Variants in CTDP1 observed in about 807,000 individuals in gnomAD.
CTDP1 encodes the protein CTD phosphatase 1.
A neutral mutation model predicts 91.8 loss-of-function variants in CTDP1; 47 were observed. That is an observed-to-expected ratio of 0.51 (90% CI 0.41 to 0.65). The LOEUF is 0.65. CTDP1 is among the 30% of genes least tolerant of loss of function. The pLI is 0.00. For synonymous variants in CTDP1, 656 were observed against 598.5 expected (o/e 1.10, Z -1.40); for missense variants, 1,272 against 1,373.7 (o/e 0.93, Z 1.17).
At chr18:79,741,167 C>T (rs1197351873) in intron 12 of CTDP1, among the ~76,000 whole-genome samples, 3 of 143,556 alleles carry the variant, frequency 2.1e-5, no homozygotes, top group African/African-American at 5.3e-5. Context: ...TCCCTGAGCC[C>T]GTGGTTGGGT....
At chr18:79,748,556 C>T (rs76603103) in intron 12 of CTDP1, among the ~76,000 whole-genome samples, 6,745 of 152,316 alleles carry the variant, frequency 0.044, 272 homozygotes, top group South Asian at 0.17. Context: ...TTACCAGCAT[C>T]GTGAGGTCCA....
intron 1 of CTDP1, among the ~76,000 whole-genome samples, chr18:79,688,787 G>A (rs1268046945): frequency 6.6e-6 from 1 of 152,200 alleles, no homozygotes; most frequent in Non-Finnish European, 1.5e-5. Context: ...AGGTGATCCT[G>A]CCTCAGCCTC....
At position 79,717,647 on chromosome 18, in the gene CTDP1, G is replaced by A. The variant is rs781342460; in HGVS notation, c.2181G>A (p.Pro727=). ...ACAAGGTGGAGGAGCAGCTCTTCCCGCTCAGGGACGATCACACCAAGGCAC... is the reference window on the plus strand; with the variant it reads ...ACAAGGTGGAGGAGCAGCTCTTCCCACTCAGGGACGATCACACCAAGGCAC... ...RWDKVEEQLF[P]LRDDHTKAQR... Residue 727 remains proline, a synonymous_variant, in exon 9 of 13, where the codon CCG becomes CCA. Coordinates refer to ENST00000613122, the MANE Select transcript of CTDP1 (RefSeq NM_004715.5). The A allele has an allele frequency of 1.7e-5, 27 of 1,613,898 alleles. No individual in the cohort carries two copies. Among genetic ancestry groups the A allele is most frequent in the South Asian group, 1.2e-4 (11 of 91,094 alleles).
upstream of CTDP1, among the ~76,000 whole-genome samples, chr18:79,677,006 G>T (rs192580591): frequency 3.3e-5 from 5 of 152,372 alleles, no homozygotes; most frequent in Non-Finnish European, 5.9e-5. Flanking sequence ...TGTCTACCTA[G>T]ATCAGTCTGT....
chr18:79,679,720 T>C (rs1303337888), upstream of CTDP1: 6 of 507,342 alleles, frequency 1.2e-5, no homozygotes, highest in Non-Finnish European at 2.2e-5. Context: ...CGGAGCCGGC[T>C]CCGGCCCCGC....
chr18:79,750,536 C>G (rs577325818), intron 12 of CTDP1, among the ~76,000 whole-genome samples: 2 of 151,964 alleles, frequency 1.3e-5, no homozygotes, highest in South Asian at 4.2e-4. Context: ...CTCTGTCACC[C>G]AGGCTGGAGT....
intron 10 of CTDP1, among the ~76,000 whole-genome samples, chr18:79,719,316 G>A (rs990626513): frequency 6.6e-6 from 1 of 152,142 alleles, no homozygotes; most frequent in African/African-American, 2.4e-5. Context: ...TGACTGGGAT[G>A]TGGGCAGGTG....
intron 8 of CTDP1, among the ~76,000 whole-genome samples, chr18:79,716,199 A>G (rs1260771861): frequency 2.0e-5 from 3 of 152,258 alleles, no homozygotes; most frequent in Non-Finnish European, 4.4e-5. Context: ...TTTCTCCTCC[A>G]ATCTGCTTCC....
chr18:79,691,519 C>T (rs1370367782), intron 1 of CTDP1, among the ~76,000 whole-genome samples: 2 of 106,694 alleles, frequency 1.9e-5, no homozygotes, highest in African/African-American at 3.6e-5. Flanking sequence ...GAGGAGTGGA[C>T]GGCTCCCAGG....
chr18:79,680,011 G>C lies in CTDP1; in HGVS notation c.64G>C (p.Val22Leu). 1 of 1,307,892 alleles carries C rather than the reference G, an allele frequency of 7.6e-7. No homozygotes were observed. The highest frequency in any genetic ancestry group is 3.3e-5 in the East Asian group (1 of 29,914). The allele number at this position is 1,307,892 out of a possible 1,614,324, so 81.0% of individuals were successfully genotyped here. A position where few individuals can be genotyped will look rare whatever the true frequency, so the allele number is the denominator to read the frequency against. ...EGAPTAAVAE[V>L]RCPGPAPLRL... The stretch of plus-strand genomic sequence containing the variant: ...CGCCCCGACGGCGGCTGTGGCCGAG[G>C]TGCGCTGCCCGGGGCCCGCGCCGCT... Residue 22 changes from valine (V) to leucine (L), a missense_variant, in exon 1 of 13, where the codon GTG (valine) becomes CTG (leucine). By Grantham distance (32) the Val-to-Leu change is conservative. Transcript: ENST00000613122.
rs1218255822 is a variant in CTDP1 at position 79,713,719 on chromosome 18, G to A, written c.1030+581G>A. Reference sequence around the variant, plus strand: ...AACTTGGAGGTTAGGACCAGGGGAGGGTGAAACTAGGGGCATTCCTGTAGA... The same window carrying A: ...AACTTGGAGGTTAGGACCAGGGGAGAGTGAAACTAGGGGCATTCCTGTAGA... On this transcript the variant is annotated intron_variant, in intron 7 of 12. Coordinates refer to ENST00000613122, the MANE Select transcript of CTDP1 (RefSeq NM_004715.5). This position sits in a 1 kb window ranked among gnomAD's most constrained non-coding sequence, Gnocchi z 4.7. 6.6e-6 allele frequency among the ~76,000 whole-genome samples: 1 copy of A among 152,226 alleles called. No individual in the cohort carries two copies. Among genetic ancestry groups the A allele is most frequent in the Non-Finnish European group, 1.5e-5 (1 of 68,044 alleles).
At chr18:79,682,731 G>T (rs1328624840) in intron 1 of CTDP1, among the ~76,000 whole-genome samples, 2 of 152,300 alleles carry the variant, frequency 1.3e-5, no homozygotes, top group East Asian at 3.9e-4. Context: ...ATCTGTGGAT[G>T]TGGAATTTGG....
chr18:79,677,255 G>C (rs2085266615), upstream of CTDP1: 1 of 152,236 alleles, frequency 6.6e-6, no homozygotes, highest in East Asian at 1.9e-4. Context: ...TTGCGCTGTT[G>C]GTAGTGTTCA....
chr18:79,708,309 G>C (rs2086009181), intron 5 of CTDP1, among the ~76,000 whole-genome samples: 1 of 152,212 alleles, frequency 6.6e-6, no homozygotes, highest in Non-Finnish European at 1.5e-5. Context: ...GTTTTAACCT[G>C]TATCAAAAAC....
At chr18:79,681,233 C>T (rs1268842430) in intron 1 of CTDP1, among the ~76,000 whole-genome samples, 1 of 152,230 alleles carries the variant, frequency 6.6e-6, no homozygotes, top group African/African-American at 2.4e-5. Flanking sequence ...AACGTCCTGG[C>T]TCCGCTTCCT....
At chr18:79,684,639 C>G (rs977488440) in intron 1 of CTDP1, among the ~76,000 whole-genome samples, 1 of 149,170 alleles carries the variant, frequency 6.7e-6, no homozygotes, top group Non-Finnish European at 1.5e-5. Context: ...AAGGTGGGTC[C>G]GTGCCCTCGT....
chr18:79,729,165 G>C, intron 11 of CTDP1, 96 bp downstream of exon 11: 1 of 1,514,264 alleles, frequency 6.6e-7, no homozygotes, highest in South Asian at 1.1e-5. Flanking sequence ...TGCACCTGGA[G>C]GCCGAGCTAG....
chr18:79,706,189 C>T (rs2085963816), intron 5 of CTDP1, among the ~76,000 whole-genome samples: 1 of 152,254 alleles, frequency 6.6e-6, no homozygotes, highest in Non-Finnish European at 1.5e-5. Context: ...CACTGACCTG[C>T]AGCCAAGTTG....
chr18:79,722,227 C>G (rs945894695), intron 10 of CTDP1, among the ~76,000 whole-genome samples: 2 of 152,332 alleles, frequency 1.3e-5, no homozygotes, highest in African/African-American at 4.8e-5. Context: ...AAGTCAAACA[C>G]TTTTACTTGA....
Sources: allele counts gnomAD v4.1 joint callset (sites outside exome capture counted in the v4.1 genomes callset), GRCh38; gene constraint gnomAD v4.1.1; non-coding constraint Gnocchi (gnomAD v3.1); transcripts MANE v1.5; gene names NCBI Gene and HGNC (gene_info 2026-07-23, HGNC 2026-07-21).